Variants in ITPR2 observed in about 807,000 individuals in gnomAD.
ITPR2 encodes inositol 1,4,5-trisphosphate-gated calcium channel ITPR2.
Under a neutral mutation model 317.1 loss-of-function variants are expected in ITPR2, and 207 were observed. The observed-to-expected ratio is 0.65, with a 90% CI of 0.58 to 0.73. ITPR2 has a LOEUF of 0.73. Ranked by LOEUF, ITPR2 falls within the 30% of genes least tolerant of loss-of-function variation. The probability of loss-of-function intolerance (pLI) is 0.00; values close to 1 mark genes in which losing one functional copy is unlikely to be tolerated. For synonymous variants in ITPR2, 1,156 were observed against 1,149.1 expected, an observed-to-expected ratio of 1.01 and a Z score of -0.12; for missense variants, 2,613 against 3,284.0, an observed-to-expected ratio of 0.80 and a Z score of 4.99.
At chr12:26,615,160 C>T (rs1946347857) in intron 26 of ITPR2, among the ~76,000 whole-genome samples, 1 of 151,868 alleles carries the variant, frequency 6.6e-6, no homozygotes, top group African/African-American at 2.4e-5. Flanking sequence ...CAAAGATGAT[C>T]AAAAATATAA....
chr12:26,663,946 A>G, intron 14 of ITPR2, 100 bp from the exon 15 acceptor site: 1 of 1,088,200 alleles, frequency 9.2e-7, no homozygotes, highest in East Asian at 2.4e-5. Flanking sequence ...ACACTTATAT[A>G]AATTTGAGTA....
At chr12:26,469,234 A>G (rs938108655) in intron 45 of ITPR2, among the ~76,000 whole-genome samples, 1 of 152,206 alleles carries the variant, frequency 6.6e-6, no homozygotes, top group South Asian at 2.1e-4. Flanking sequence ...TGCCTGACAT[A>G]AGAGGTGTTC....
intron 1 of ITPR2, chr12:26,800,903 C>A: frequency 6.1e-6 from 1 of 163,592 alleles, no homozygotes; most frequent in South Asian, 1.7e-4. Context: ...GGCCTGCGAC[C>A]TCCAAGTGGC....
intron 45 of ITPR2, among the ~76,000 whole-genome samples, chr12:26,445,639 G>A (rs1941593117): frequency 6.6e-6 from 1 of 152,132 alleles, no homozygotes; most frequent in South Asian, 2.1e-4. Context: ...ACAGAGAAAT[G>A]TCATTTGGTT....
At chr12:26,762,839 A>T (rs1204415698) in intron 2 of ITPR2, among the ~76,000 whole-genome samples, 1 of 152,186 alleles carries the variant, frequency 6.6e-6, no homozygotes, top group Non-Finnish European at 1.5e-5. Context: ...AAAAACAATT[A>T]TACAAAATTA....
At chr12:26,474,519 C>G (rs1196750091) in intron 45 of ITPR2, among the ~76,000 whole-genome samples, 1 of 152,106 alleles carries the variant, frequency 6.6e-6, no homozygotes. Flanking sequence ...AAAGGCCGGG[C>G]GCGGTGGCTC....
intron 55 of ITPR2, among the ~76,000 whole-genome samples, chr12:26,381,439 A>T (rs1440562239): frequency 6.6e-6 from 1 of 152,170 alleles, no homozygotes; most frequent in African/African-American, 2.4e-5. Context: ...TTATCTTTAT[A>T]CAGCAAATCT....
chr12:26,378,894 T>C (rs74605181), intron 55 of ITPR2, among the ~76,000 whole-genome samples: 9,373 of 152,258 alleles, frequency 0.062, 408 homozygotes, highest in Non-Finnish European at 0.093. Context: ...CTTCCTGCCA[T>C]TGTAGGATTG....
At chr12:26,802,612 T>TATATAG (rs917642318) in intron 1 of ITPR2, among the ~76,000 whole-genome samples, 3 of 21,928 alleles carry the variant, frequency 1.4e-4, no homozygotes, top group Admixed American at 2.5e-4. Context: ...GATATAGATA[T>TATATAG]ATATAGATAT....
intron 45 of ITPR2, among the ~76,000 whole-genome samples, chr12:26,474,565 G>A (rs992773265): frequency 6.6e-5 from 10 of 151,968 alleles, no homozygotes; most frequent in Admixed American, 3.3e-4. Context: ...AGGCCGAGGC[G>A]GGCGGATCAC....
chr12:26,606,414 A>G (rs943094820), intron 26 of ITPR2, among the ~76,000 whole-genome samples: 2 of 152,330 alleles, frequency 1.3e-5, no homozygotes, highest in Non-Finnish European at 2.9e-5. Flanking sequence ...TTTTAATTGC[A>G]TAGTATATAC....
rs368052439 is a variant in ITPR2, at chr12:26,465,105, T to A, written c.6342+10191A>T. Among the ~76,000 whole-genome samples, 62 of 152,262 alleles carry A rather than the reference T, an allele frequency of 4.1e-4. 1 individual carries two copies. Among genetic ancestry groups the A allele is most frequent in the East Asian group, 1.9e-3 (10 of 5,190 alleles). On this transcript the variant is annotated intron_variant, in intron 45 of 56. Coordinates refer to ENST00000381340, the MANE Select transcript of ITPR2 (RefSeq NM_002223.4). ...CTAAGTGACATTCAGGGAGTGAGCGTCGATTAAGAAGACCAGAGATCCATG... is the reference window on the plus strand; with the variant it reads ...CTAAGTGACATTCAGGGAGTGAGCGACGATTAAGAAGACCAGAGATCCATG...
intron 37 of ITPR2, among the ~76,000 whole-genome samples, chr12:26,537,632 A>C (rs10842750): frequency 0.57 from 85,959 of 152,042 alleles, 28,245 homozygotes; most frequent in Non-Finnish European, 0.76. Flanking sequence ...ATTGTCCATG[A>C]GTCCTCATTT....
At chr12:26,712,789 G>A (rs1948671999) in intron 8 of ITPR2, among the ~76,000 whole-genome samples, 2 of 152,206 alleles carry the variant, frequency 1.3e-5, no homozygotes, top group South Asian at 4.1e-4. Flanking sequence ...GCTCCCTAGA[G>A]GGGATATTCT....
chr12:26,502,432 T>C (rs1210074144), intron 37 of ITPR2, among the ~76,000 whole-genome samples: 2 of 152,224 alleles, frequency 1.3e-5, no homozygotes, highest in Non-Finnish European at 2.9e-5. Context: ...TCACATAACA[T>C]AAATCAGTGC....
rs201094410 is a variant in ITPR2 at position 26,632,078 on chromosome 12, G to C, written c.2741-19C>G. 1.3e-6 allele frequency: 2 copies of C among 1,516,120 alleles called. No individual in the cohort carries two copies. The highest frequency in any genetic ancestry group is 4.4e-5 in the Admixed American group (2 of 45,974). The allele number at this position is 1,516,120 out of a possible 1,614,324, so 93.9% of individuals were successfully genotyped here. A position where few individuals can be genotyped will look rare whatever the true frequency, so the allele number is the denominator to read the frequency against. ...TTGTTTCCTGGCATGAGAAAATGCC[G>C]TAAGTCAACACACACAACCCCTGGA... On this transcript the variant is annotated intron_variant, in intron 21 of 56. Coordinates refer to ENST00000381340, the MANE Select transcript of ITPR2 (RefSeq NM_002223.4).
intron 8 of ITPR2, among the ~76,000 whole-genome samples, chr12:26,715,039 C>T (rs528965377): frequency 6.6e-6 from 1 of 151,752 alleles, no homozygotes; most frequent in Non-Finnish European, 1.5e-5. Flanking sequence ...CGTAATGTAC[C>T]TTTTGTAAAT....
At chr12:26,639,414 T>C (rs543387997) in intron 21 of ITPR2, among the ~76,000 whole-genome samples, 26 of 152,304 alleles carry the variant, frequency 1.7e-4, no homozygotes, top group South Asian at 4.1e-4. Flanking sequence ...TGCATGAAGA[T>C]ATGAAGCTCA....
At chr12:26,470,255 C>T (rs1473661053) in intron 45 of ITPR2, among the ~76,000 whole-genome samples, 1 of 152,152 alleles carries the variant, frequency 6.6e-6, no homozygotes, top group Non-Finnish European at 1.5e-5. Flanking sequence ...CAGAACTTTT[C>T]TTCTTATTAT....
Sources: allele counts gnomAD v4.1 joint callset (sites outside exome capture counted in the v4.1 genomes callset), GRCh38; gene constraint gnomAD v4.1.1; transcripts MANE v1.5; gene names NCBI Gene and HGNC (gene_info 2026-07-23, HGNC 2026-07-21).